CLIC5: variants seen among roughly 807,000 people sequenced by gnomAD.
CLIC5 encodes chloride intracellular channel protein 5.
In CLIC5, 20 loss-of-function variants were observed where a neutral mutation model predicts 24.7. That is an observed-to-expected ratio of 0.81 (90% CI 0.57 to 1.18). The LOEUF (loss-of-function observed/expected upper bound fraction) is 1.18, where lower values mean the gene tolerates loss of function less well. CLIC5 is among the 50% of genes most tolerant of loss of function. The pLI is 0.00. For missense variants in CLIC5, 341 were observed against 326.1 expected (o/e 1.05, Z -0.35); for synonymous variants, 159 against 135.6 (o/e 1.17, Z -1.20).
the CLIC5 span, among the ~76,000 whole-genome samples, chr6:46,093,742 A>G: frequency 1.3e-5 from 2 of 152,240 alleles, no homozygotes; most frequent in African/African-American, 4.8e-5. Context: ...TAAAATTAAC[A>G]TATACTTACC....
At chr6:45,888,928 G>A (rs781696097) in intron 6 of CLIC5, among the ~76,000 whole-genome samples, 3 of 152,062 alleles carry the variant, frequency 2.0e-5, no homozygotes, top group Non-Finnish European at 2.9e-5. Context: ...TTTATTCATT[G>A]CAGCATTTTT....
At chr6:45,978,857 G>A (rs1765473383) in intron 1 of CLIC5, among the ~76,000 whole-genome samples, 1 of 152,014 alleles carries the variant, frequency 6.6e-6, no homozygotes, top group Non-Finnish European at 1.5e-5. Context: ...GGCTGAGGTA[G>A]GAGAATGGCT....
chr6:45,940,124 GCAT>G (rs756726273), intron 4 of CLIC5, among the ~76,000 whole-genome samples: 3 of 151,944 alleles, frequency 2.0e-5, no homozygotes, highest in Admixed American at 6.6e-5. Flanking sequence ...CAACTTCCCC[GCAT>G]CTTCTGCTCA....
the CLIC5 span, among the ~76,000 whole-genome samples, chr6:46,119,021 T>C: frequency 6.6e-6 from 1 of 152,048 alleles, no homozygotes; most frequent in Admixed American, 6.5e-5. Flanking sequence ...CAGATAAGAG[T>C]ATGAGGCCAC....
Position 46,073,034 on chromosome 6 carries a change from G to A in CLIC5, c.540+6669C>T, listed in dbSNP as rs577412287. On this transcript the variant is annotated intron_variant, in intron 1 of 5. Transcript: ENST00000185206. ...GTACTAGCTTGCCAGTGATTTGCAGGCAGCCTTAGGAAGGTTGGTTCACTC... is the reference window on the plus strand; with the variant it reads ...GTACTAGCTTGCCAGTGATTTGCAGACAGCCTTAGGAAGGTTGGTTCACTC... Among the ~76,000 whole-genome samples, 10 of 152,294 alleles carry A rather than the reference G, an allele frequency of 6.6e-5. No individual in the cohort carries two copies. In the East Asian group the frequency reaches 1.9e-3, roughly 29 times the overall value.
intron 4 of CLIC5, among the ~76,000 whole-genome samples, chr6:45,922,413 C>T (rs994527395): frequency 3.3e-5 from 5 of 152,138 alleles, no homozygotes; most frequent in Admixed American, 6.5e-5. Context: ...CTTCCCCAAG[C>T]TCTATAGGGG....
chr6:46,035,088 A>G (rs1767624098), intron 1 of CLIC5, among the ~76,000 whole-genome samples: 3 of 152,228 alleles, frequency 2.0e-5, no homozygotes, highest in Admixed American at 2.0e-4. Context: ...CAAATAATTC[A>G]GTAAGATAAC....
At chr6:46,022,879 C>T (rs1306931156) in intron 1 of CLIC5, among the ~76,000 whole-genome samples, 3 of 152,174 alleles carry the variant, frequency 2.0e-5, no homozygotes, top group African/African-American at 7.2e-5. Flanking sequence ...GATGAGCAGT[C>T]TTAGTTCCTG....
At chr6:45,965,914 G>GCT (rs1310251723) in intron 1 of CLIC5, among the ~76,000 whole-genome samples, 16 of 152,262 alleles carry the variant, frequency 1.1e-4, no homozygotes, top group Admixed American at 6.5e-4. Context: ...ACCAAACAAG[G>GCT]ATATCTTGAT....
At chr6:45,962,521 C>T (rs533216875) in intron 1 of CLIC5, among the ~76,000 whole-genome samples, 49 of 148,996 alleles carry the variant, frequency 3.3e-4, no homozygotes, top group African/African-American at 1.2e-3. Context: ...CAGAAGCATC[C>T]AGAGTAATGT....
rs1314020413 is a variant in CLIC5, at chr6:45,999,959, C to G, written c.63+15521G>C. 4.2e-5 allele frequency among the ~76,000 whole-genome samples: 4 copies of G among 95,580 alleles called. 1 individual carries two copies. The highest frequency in any genetic ancestry group is 6.3e-5 in the Non-Finnish European group (3 of 47,700). 62.7% of individuals were successfully genotyped at this position (95,580 alleles called of 152,430 possible). A position where few individuals can be genotyped will look rare whatever the true frequency, so the allele number is the denominator to read the frequency against. ...TAGAGACGGGGTTTCACCTTGTTAG[C>G]CAGGATGGTCTCGATCTCCTGACCT... On this transcript the variant is annotated intron_variant, in intron 1 of 5. Transcript: ENST00000339561.
intron 4 of CLIC5, among the ~76,000 whole-genome samples, chr6:45,930,463 G>A (rs1763691227): frequency 6.6e-6 from 1 of 152,154 alleles, no homozygotes; most frequent in Non-Finnish European, 1.5e-5. Context: ...ATGGAAGGTG[G>A]CTTTGAGCCT....
At chr6:45,919,455 G>T (rs35489689) in intron 4 of CLIC5, among the ~76,000 whole-genome samples, 11,072 of 152,082 alleles carry the variant, frequency 0.073, 495 homozygotes, top group African/African-American at 0.12. Flanking sequence ...AGCACCACAC[G>T]GAGCTCTTAA....
At chr6:45,990,870 TCTC>T (rs1322652061) in intron 1 of CLIC5, among the ~76,000 whole-genome samples, 1 of 152,206 alleles carries the variant, frequency 6.6e-6, no homozygotes, top group Non-Finnish European at 1.5e-5. Context: ...ACCGGGTTCT[TCTC>T]CTACCAGCTC....
chr6:46,016,439 G>A (rs1767011909), upstream of CLIC5, among the ~76,000 whole-genome samples: 1 of 152,202 alleles, frequency 6.6e-6, no homozygotes, highest in African/African-American at 2.4e-5. Context: ...GGCAGGGGTG[G>A]CTCCTGGGGC....
chr6:45,969,605 T>C lies in CLIC5; in HGVS notation c.64-14361A>G, dbSNP rs374102733. Among the ~76,000 whole-genome samples, 102 of 152,186 alleles carry C rather than the reference T, an allele frequency of 6.7e-4. 1 individual carries two copies. The South Asian group carries it at 0.02, about 29-fold the overall frequency. The stretch of plus-strand genomic sequence containing the variant: ...AATCTCAGTCAAAATCGTGAACGTA[T>C]GTAATTTAGACATAATCAGGGAAGA... On this transcript the variant is annotated intron_variant, in intron 1 of 5. Transcript: ENST00000339561.
At chr6:45,941,170 G>A (rs563744461) in intron 4 of CLIC5, among the ~76,000 whole-genome samples, 8 of 152,184 alleles carry the variant, frequency 5.3e-5, no homozygotes, top group South Asian at 4.1e-4. Flanking sequence ...AGAAGGAAGC[G>A]GGAATATGTT....
In CLIC5 at chr6:45,962,572, T is replaced by C. The variant is rs1043579044; in HGVS notation, c.64-7328A>G. ...GCACTATGGCCCAGCCAAGTTGATATATAAAGTTAACCATTACACCTGGCA... is the reference window on the plus strand; with the variant it reads ...GCACTATGGCCCAGCCAAGTTGATACATAAAGTTAACCATTACACCTGGCA... On this transcript the variant is annotated intron_variant, in intron 1 of 5. Transcript: ENST00000339561. Among the ~76,000 whole-genome samples the C allele has an allele frequency of 9.2e-5, 14 of 151,790 alleles. No individual in the cohort carries two copies. In the East Asian group the frequency reaches 1.2e-3, roughly 13 times the overall value.
chr6:45,958,467 T>C (rs1367485655), intron 1 of CLIC5, among the ~76,000 whole-genome samples: 2,552 of 32,034 alleles, frequency 0.08, 228 homozygotes, highest in African/African-American at 0.25. Flanking sequence ...TATATATATA[T>C]ATATATATAA....
Sources: allele counts gnomAD v4.1 joint callset (sites outside exome capture counted in the v4.1 genomes callset), GRCh38; gene constraint gnomAD v4.1.1; transcripts MANE v1.5; gene names NCBI Gene and HGNC (gene_info 2026-07-23, HGNC 2026-07-21).